EPC2: variants seen among roughly 807,000 people sequenced by gnomAD.
EPC2 encodes the protein enhancer of polycomb homolog 2.
Under a neutral mutation model 92.1 loss-of-function variants are expected in EPC2, and 14 were observed. The observed-to-expected ratio is 0.15, with a 90% CI of 0.10 to 0.24. The LOEUF is 0.24. EPC2 is among the 10% of genes least tolerant of loss of function. The probability of loss-of-function intolerance (pLI) is 1.00; values close to 1 mark genes in which losing one functional copy is unlikely to be tolerated. For synonymous variants in EPC2, 340 were observed against 334.7 expected, an observed-to-expected ratio of 1.02 and a Z score of -0.17; for missense variants, 755 against 971.5, an observed-to-expected ratio of 0.78 and a Z score of 2.96.
intron 1 of EPC2, among the ~76,000 whole-genome samples, chr2:148,671,214 G>C (rs1372395352): frequency 6.7e-6 from 1 of 150,004 alleles, no homozygotes; most frequent in Non-Finnish European, 1.5e-5. Flanking sequence ...GGTAGCTTTT[G>C]CTTCATAAAA....
intron 1 of EPC2, among the ~76,000 whole-genome samples, chr2:148,670,948 G>T (rs1039865797): frequency 2.6e-5 from 4 of 152,118 alleles, no homozygotes; most frequent in East Asian, 1.9e-4. Flanking sequence ...TCTTCTGAAA[G>T]TGCTGGGATT....
At chr2:148,722,143 T>G (rs1253702461) in intron 2 of EPC2, among the ~76,000 whole-genome samples, 2 of 152,126 alleles carry the variant, frequency 1.3e-5, no homozygotes, top group Non-Finnish European at 2.9e-5. Context: ...ACTTTAATGA[T>G]GCGGTTTTAT....
At chr2:148,678,210 G>A (rs1681311795) in intron 1 of EPC2, among the ~76,000 whole-genome samples, 2 of 152,196 alleles carry the variant, frequency 1.3e-5, no homozygotes, top group South Asian at 4.1e-4. Context: ...GCTAGACACA[G>A]GGTGCTGATT....
intron 2 of EPC2, chr2:148,692,199 T>G (rs542580787): frequency 1.1e-5 from 2 of 185,180 alleles, no homozygotes; most frequent in East Asian, 1.5e-4. Flanking sequence ...TATAGCTCAT[T>G]AAAGACTTAA....
intron 4 of EPC2, 133 bp from the exon 5 acceptor site, chr2:148,761,649 A>T (rs1474844914): frequency 1.9e-6 from 1 of 529,852 alleles, no homozygotes; most frequent in African/African-American, 2.0e-5. Context: ...TATCTTACAT[A>T]GGTTGCTGTT....
At chr2:148,698,663 C>T in intron 2 of EPC2, among the ~76,000 whole-genome samples, 1 of 130,958 alleles carries the variant, frequency 7.6e-6, no homozygotes, top group Non-Finnish European at 1.6e-5. Context: ...AAAAAATCTC[C>T]TGTTTCTCTG....
In EPC2 at chr2:148,707,198, C is replaced by G. The variant is rs556345712; in HGVS notation, c.313+16825C>G. Among the ~76,000 whole-genome samples, 4 of 152,242 alleles carry G rather than the reference C, an allele frequency of 2.6e-5. No homozygotes were observed. The South Asian group carries it at 8.3e-4, about 32-fold the overall frequency. Reference sequence around the variant, plus strand: ...ACAAAAAGAGGCAGGGGTTGCAATCCTAGTCTCCGATAAAACAGACTTCAT... The same window carrying G: ...ACAAAAAGAGGCAGGGGTTGCAATCGTAGTCTCCGATAAAACAGACTTCAT... On this transcript the variant is annotated intron_variant, in intron 2 of 13. Coordinates refer to ENST00000258484, the MANE Select transcript of EPC2 (RefSeq NM_015630.4).
chr2:148,764,869 G>GT (rs1683377899), intron 6 of EPC2, 86 bp from the exon 7 acceptor site: 1 of 1,036,556 alleles, frequency 9.6e-7, no homozygotes, highest in Admixed American at 4.2e-5. Context: ...AAAAATGTAT[G>GT]TTTTTCAAAG....
At chr2:148,777,964 A>G (rs375479345) in intron 10 of EPC2, among the ~76,000 whole-genome samples, 5 of 152,322 alleles carry the variant, frequency 3.3e-5, no homozygotes, top group African/African-American at 1.2e-4. Context: ...GTCCTGAATG[A>G]CATATTTGGG....
At chr2:148,690,691 G>C (rs1681627629) in intron 2 of EPC2, among the ~76,000 whole-genome samples, 1 of 151,584 alleles carries the variant, frequency 6.6e-6, no homozygotes, top group East Asian at 1.9e-4. Flanking sequence ...TTGAGACAGA[G>C]TCTCTCTGTT....
Position 148,767,643 on chromosome 2 carries a change from G to A in EPC2, c.1141-1508G>A, listed in dbSNP as rs777141162. On this transcript the variant is annotated intron_variant, in intron 7 of 13. Transcript: ENST00000258484. ...TCTAATAAACCAAGAACAAGGAATA[G>A]GGAGCCTTAAGAGAACAAACATTTT... 6.0e-4 allele frequency among the ~76,000 whole-genome samples: 91 copies of A among 152,120 alleles called. 1 individual carries two copies. Among genetic ancestry groups the A allele is most frequent in the South Asian group, 4.1e-4 (2 of 4,824 alleles).
intron 1 of EPC2, among the ~76,000 whole-genome samples, chr2:148,657,400 A>G (rs1395851802): frequency 6.6e-6 from 1 of 152,104 alleles, no homozygotes; most frequent in African/African-American, 2.4e-5. Context: ...AAAAATTTCC[A>G]AAGATATAGG....
chr2:148,713,785 G>C (rs1027968050), intron 2 of EPC2, among the ~76,000 whole-genome samples: 3 of 152,156 alleles, frequency 2.0e-5, no homozygotes, highest in Non-Finnish European at 4.4e-5. Context: ...TGTAGCCTAG[G>C]AGCAATAGGC....
rs531994882 is a variant in EPC2, at chr2:148,762,859, T to C, written c.948+57T>C. 2.2e-5 allele frequency: 34 copies of C among 1,516,830 alleles called. No homozygotes were observed. The East Asian group carries it at 3.7e-4, about 17-fold the overall frequency. The allele number at this position is 1,516,830 out of a possible 1,614,324, so 94.0% of individuals were successfully genotyped here. On this transcript the variant is annotated intron_variant, in intron 6 of 13. Coordinates refer to ENST00000258484, the MANE Select transcript of EPC2 (RefSeq NM_015630.4). ...ATGGTAATGTTGATCAGAGGAGTTA[T>C]TGATTTCTGCAGTTGTCTTAATATG... is the stretch of plus-strand genomic sequence containing the variant.
chr2:148,691,892 T>A (rs1574585459), intron 2 of EPC2: 2 of 545,636 alleles, frequency 3.7e-6, no homozygotes, highest in East Asian at 8.0e-5. Flanking sequence ...TTCAGTAGCA[T>A]TCTATACTAA....
At chr2:148,736,796 A>G (rs1245899489) in intron 2 of EPC2, among the ~76,000 whole-genome samples, 2 of 151,990 alleles carry the variant, frequency 1.3e-5, no homozygotes, top group Non-Finnish European at 2.9e-5. Context: ...CCAACAATAT[A>G]ATTTTACCAA....
intron 2 of EPC2, among the ~76,000 whole-genome samples, chr2:148,730,190 CATGA>C (rs1212312942): frequency 6.6e-6 from 1 of 152,140 alleles, no homozygotes; most frequent in East Asian, 1.9e-4. Context: ...GAAGATTCAA[CATGA>C]AGAGTCCTAG....
chr2:148,770,854 G>C lies in EPC2; in HGVS notation c.1293G>C (p.Leu431Phe), dbSNP rs1460741397. 6.2e-7 allele frequency: 1 copy of C among 1,613,792 alleles called. No homozygotes were observed. The highest frequency in any genetic ancestry group is 8.5e-7 in the Non-Finnish European group (1 of 1,179,832). ...CAGAATTGGCAGATTTGGATAAGTT[G>C]AGGTATAGGCATTGCCTTACAACAC... The part of the protein sequence containing the change: ...ENSELADLDK[L>F]RYRHCLTTLT... The change falls in exon 9 of 14, where the codon TTG becomes TTC. Residue 431 changes from leucine (L) to phenylalanine (F), a missense_variant. Leu to Phe is a conservative substitution (Grantham distance 22). This residue lies in a region of EPC2 where 509 missense variants were observed against 607.7 expected (regional missense o/e 0.84). Transcript: ENST00000258484.
intron 1 of EPC2, among the ~76,000 whole-genome samples, chr2:148,647,496 C>T (rs557988783): frequency 3.3e-5 from 5 of 151,792 alleles, no homozygotes; most frequent in East Asian, 1.9e-4. Context: ...TTAGTAGAGT[C>T]GGGGTTTCAC....
Sources: gnomAD v4.1 joint callset for allele counts (sites outside exome capture counted in the v4.1 genomes callset) on GRCh38, gnomAD v4.1.1 for gene constraint, gnomAD v4.1.1 regional missense constraint, MANE v1.5 for transcripts, NCBI Gene and HGNC (gene_info 2026-07-23, HGNC 2026-07-21) for gene names.